TNRC6B: variants seen among roughly 807,000 people sequenced by gnomAD.
TNRC6B encodes the protein trinucleotide repeat containing adaptor 6B, also known as trinucleotide repeat-containing gene 6B protein.
Under a neutral mutation model 203.6 loss-of-function variants are expected in TNRC6B, and 52 were observed. That is an observed-to-expected ratio of 0.26 (90% CI 0.20 to 0.32). TNRC6B has a LOEUF of 0.32. Among genes scored for constraint, TNRC6B ranks in the 10% least tolerant of loss-of-function variants. The probability of loss-of-function intolerance (pLI) is 1.00; values close to 1 mark genes in which losing one functional copy is unlikely to be tolerated. For synonymous variants in TNRC6B, 838 were observed against 845.7 expected, an observed-to-expected ratio of 0.99 and a Z score of 0.16; for missense variants, 1,923 against 2,286.2, an observed-to-expected ratio of 0.84 and a Z score of 3.24.
chr22:40,269,023 A>G (rs989746159), intron 5 of TNRC6B, among the ~76,000 whole-genome samples: 4 of 149,898 alleles, frequency 2.7e-5, no homozygotes, highest in African/African-American at 9.8e-5. Context: ...CAGAGAAGGG[A>G]TTGTACTTCG....
chr22:40,073,141 GTTTT>G (rs554246963), intron 1 of TNRC6B, among the ~76,000 whole-genome samples: 2 of 108,732 alleles, frequency 1.8e-5, no homozygotes, highest in South Asian at 3.1e-4. Flanking sequence ...TAGGGCCTTG[GTTTT>G]TTTTTTTTTT....
intron 3 of TNRC6B, chr22:40,253,613 A>G (rs1270094873): frequency 1.1e-5 from 5 of 456,396 alleles, no homozygotes; most frequent in Non-Finnish European, 1.8e-5. Context: ...AAAAGATAAC[A>G]TAAAATAATC....
intron 1 of TNRC6B, among the ~76,000 whole-genome samples, chr22:40,115,783 G>A (rs1020627759): frequency 6.6e-6 from 1 of 152,142 alleles, no homozygotes; most frequent in African/African-American, 2.4e-5. Context: ...TGTGTGTTGT[G>A]AGTAAGGAAA....
chr22:40,125,789 C>T, exon 3 of TNRC6B: 1 of 1,603,856 alleles, frequency 6.2e-7, no homozygotes, highest in Non-Finnish European at 8.5e-7. Context: ...TTTTGTGTTT[C>T]TGCAGAGTTT....
intron 1 of TNRC6B, among the ~76,000 whole-genome samples, chr22:40,077,083 G>A (rs919515254): frequency 3.3e-5 from 5 of 149,794 alleles, no homozygotes; most frequent in Admixed American, 6.7e-5. Context: ...GAGAAGAGGA[G>A]AGGAGAAAGA....
chr22:40,276,085 C>A (rs915382931), intron 7 of TNRC6B, among the ~76,000 whole-genome samples: 2 of 152,014 alleles, frequency 1.3e-5, no homozygotes, highest in African/African-American at 4.8e-5. Flanking sequence ...CGGTGGCTCA[C>A]ACCTGTAATC....
At chr22:40,237,671 C>A (rs549837765) in intron 1 of TNRC6B, among the ~76,000 whole-genome samples, 1 of 152,142 alleles carries the variant, frequency 6.6e-6, no homozygotes, top group African/African-American at 2.4e-5. Context: ...ACTTTCCCAT[C>A]TTAGGCCCTG....
At chr22:40,125,621 A>G (rs568028270) in intron 2 of TNRC6B, among the ~76,000 whole-genome samples, 138 of 152,306 alleles carry the variant, frequency 9.1e-4, no homozygotes, top group African/African-American at 3.2e-3. Flanking sequence ...TTTAAGATGC[A>G]TGTGCATAGA....
At chr22:40,269,090 A>G (rs900486576) in intron 5 of TNRC6B, among the ~76,000 whole-genome samples, 3 of 146,516 alleles carry the variant, frequency 2.0e-5, no homozygotes, top group Admixed American at 1.4e-4. Context: ...ATTTTAGCAC[A>G]TAGTCTGCTG....
intron 2 of TNRC6B, 54 bp from the exon 3 acceptor site, chr22:40,251,125 A>C: frequency 2.1e-6 from 3 of 1,433,304 alleles, no homozygotes; most frequent in Non-Finnish European, 1.9e-6. Flanking sequence ...GTCTGAAAAT[A>C]CAGTACTGAA....
intron 1 of TNRC6B, among the ~76,000 whole-genome samples, chr22:40,072,763 C>G (rs1204328844): frequency 7.0e-6 from 1 of 143,190 alleles, no homozygotes; most frequent in South Asian, 2.3e-4. Context: ...ACTCAGGAGG[C>G]GGAGGCAGGG....
intron 1 of TNRC6B, among the ~76,000 whole-genome samples, chr22:40,245,037 G>A (rs963769805): frequency 2.6e-5 from 4 of 151,978 alleles, no homozygotes; most frequent in African/African-American, 4.8e-5. Context: ...TCATGTGTAC[G>A]GGAAGATACA....
At chr22:40,315,734 G>A (rs928467192) in intron 20 of TNRC6B, among the ~76,000 whole-genome samples, 6 of 151,232 alleles carry the variant, frequency 4.0e-5, no homozygotes, top group African/African-American at 1.5e-4. Flanking sequence ...TGAGAACACT[G>A]GGAGGAAAAT....
intron 12 of TNRC6B, 40 bp downstream of exon 12, chr22:40,285,810 C>G (rs548715217): frequency 1.2e-6 from 2 of 1,607,580 alleles, no homozygotes; most frequent in South Asian, 2.2e-5. Flanking sequence ...AATGAAAGAC[C>G]ATTTCACATC....
chr22:40,104,110 G>C (rs916777292), intron 1 of TNRC6B, among the ~76,000 whole-genome samples: 50 of 152,102 alleles, frequency 3.3e-4, no homozygotes, highest in African/African-American at 1.2e-3. Flanking sequence ...AATTAGCCAG[G>C]CGTGGTGGCG....
At chr22:40,243,839 C>G (rs888748014) in intron 1 of TNRC6B, among the ~76,000 whole-genome samples, 1 of 152,196 alleles carries the variant, frequency 6.6e-6, no homozygotes, top group Non-Finnish European at 1.5e-5. Flanking sequence ...CCCACCTTGG[C>G]CTCCCAAAGT....
chr22:40,210,575 G>T (rs951072149), intron 1 of TNRC6B, among the ~76,000 whole-genome samples: 5 of 152,142 alleles, frequency 3.3e-5, no homozygotes, highest in Non-Finnish European at 7.3e-5. Flanking sequence ...ACAGCTTTCA[G>T]TTGTTAACAC....
intron 12 of TNRC6B, among the ~76,000 whole-genome samples, chr22:40,291,790 G>A (rs2070872486): frequency 6.6e-6 from 1 of 152,192 alleles, no homozygotes; most frequent in Non-Finnish European, 1.5e-5. Context: ...TGCCCAAAAT[G>A]AAATTTCTGG....
At chr22:40,143,231 A>AC (rs1321680345) in intron 3 of TNRC6B, among the ~76,000 whole-genome samples, 1 of 152,106 alleles carries the variant, frequency 6.6e-6, no homozygotes, top group African/African-American at 2.4e-5. Flanking sequence ...GGAGTTTGAA[A>AC]CCAGCCTGGG....
Sources: gnomAD v4.1 joint callset for allele counts (sites outside exome capture counted in the v4.1 genomes callset) on GRCh38, gnomAD v4.1.1 for gene constraint, MANE v1.5 for transcripts, NCBI Gene and HGNC (gene_info 2026-07-23, HGNC 2026-07-21) for gene names.